GPC5: variants seen among roughly 807,000 people sequenced by gnomAD.
GPC5 encodes glypican 5, also known as glypican-5.
A neutral mutation model predicts 53.9 loss-of-function variants in GPC5; 47 were observed. That is an observed-to-expected ratio of 0.87 (90% confidence interval 0.69 to 1.11). The LOEUF (loss-of-function observed/expected upper bound fraction) is 1.11. Among genes scored for constraint, GPC5 ranks in the 50% most tolerant of loss-of-function variants. GPC5 has a pLI of 0.00. For synonymous variants in GPC5, 286 were observed against 263.3 expected, an observed-to-expected ratio of 1.09 and a Z score of -0.84; for missense variants, 748 against 713.1, an observed-to-expected ratio of 1.05 and a Z score of -0.56.
rs1010389422 is a variant in GPC5 at position 91,868,967 on chromosome 13, G to T, written c.1281-38970G>T. 3.9e-5 allele frequency among the ~76,000 whole-genome samples: 6 copies of T among 152,146 alleles called. No homozygotes were observed. The East Asian group carries it at 9.6e-4, about 24-fold the overall frequency. ...TTTCACTTTTTGAAAAAGGAGGAAA[G>T]AAATAAAGGATCAATTTGACTATAC... On this transcript the variant is annotated intron_variant, in intron 5 of 7. Transcript: ENST00000377067.
intron 4 of GPC5, among the ~76,000 whole-genome samples, chr13:91,743,954 T>C (rs2036992555): frequency 6.6e-6 from 1 of 152,182 alleles, no homozygotes; most frequent in Admixed American, 6.5e-5. Context: ...TCTGGTTTGA[T>C]GACTTTTGAA....
At chr13:92,586,168 A>G (rs1314972500) in intron 7 of GPC5, among the ~76,000 whole-genome samples, 1 of 152,220 alleles carries the variant, frequency 6.6e-6, no homozygotes, top group Non-Finnish European at 1.5e-5. Flanking sequence ...AATGGTGTCA[A>G]GCTTGCCAAA....
intron 7 of GPC5, among the ~76,000 whole-genome samples, chr13:92,639,863 T>C (rs1381824712): frequency 2.6e-5 from 4 of 152,072 alleles, no homozygotes; most frequent in Non-Finnish European, 5.9e-5. Context: ...AACATCTTCA[T>C]AGACATGAAT....
At chr13:91,893,502 C>T (rs1440545822) in intron 5 of GPC5, among the ~76,000 whole-genome samples, 5 of 151,988 alleles carry the variant, frequency 3.3e-5, no homozygotes, top group Non-Finnish European at 2.9e-5. Context: ...CAACATATAC[C>T]ATAAAACATG....
chr13:92,847,772 T>C (rs1025046390), intron 7 of GPC5, among the ~76,000 whole-genome samples: 1 of 152,156 alleles, frequency 6.6e-6, no homozygotes, highest in Non-Finnish European at 1.5e-5. Context: ...CTGTGTTCTA[T>C]AGGATTTTTT....
intron 6 of GPC5, among the ~76,000 whole-genome samples, chr13:92,098,422 G>A (rs2041438480): frequency 1.3e-5 from 2 of 152,060 alleles, no homozygotes; most frequent in South Asian, 4.1e-4. Context: ...TCTATTTCAG[G>A]AGTAATTTGG....
At chr13:91,512,550 G>GGA (rs1885288705) in intron 2 of GPC5, among the ~76,000 whole-genome samples, 1 of 152,184 alleles carries the variant, frequency 6.6e-6, no homozygotes, top group Admixed American at 6.5e-5. Flanking sequence ...CTTGGCAAAG[G>GGA]CCCTGCACAC....
intron 2 of GPC5, among the ~76,000 whole-genome samples, chr13:91,677,730 C>T (rs1176027963): frequency 6.6e-6 from 1 of 152,138 alleles, no homozygotes; most frequent in Non-Finnish European, 1.5e-5. Flanking sequence ...CATATTGTTT[C>T]TAAAGTCATA....
At chr13:92,496,355 A>C (rs987290195) in intron 7 of GPC5, among the ~76,000 whole-genome samples, 1 of 152,226 alleles carries the variant, frequency 6.6e-6, no homozygotes, top group African/African-American at 2.4e-5. Context: ...AATTTTAGAA[A>C]CAATTTACTC....
chr13:91,516,143 C>T lies in GPC5; in HGVS notation c.325+67221C>T, dbSNP rs192167591. Reference sequence around the variant, plus strand: ...CCAAACTATGTCATTCCACCCCTGGCGGAACCAATTATGCCTCCCCAGCAG... The same window carrying T: ...CCAAACTATGTCATTCCACCCCTGGTGGAACCAATTATGCCTCCCCAGCAG... On this transcript the variant is annotated intron_variant, in intron 2 of 7. Coordinates refer to ENST00000377067, the MANE Select transcript of GPC5 (RefSeq NM_004466.6). Among the ~76,000 whole-genome samples, 248 of 152,120 alleles carry T rather than the reference C, an allele frequency of 1.6e-3. 1 individual carries two copies. The highest frequency in any genetic ancestry group is 5.6e-3 in the African/African-American group (233 of 41,494).
intron 3 of GPC5, among the ~76,000 whole-genome samples, chr13:91,694,630 T>C (rs1290625185): frequency 6.6e-6 from 1 of 152,210 alleles, no homozygotes. Flanking sequence ...AGTTCTCATA[T>C]CCCAGAGTGA....
At chr13:91,572,238 CAT>C (rs1190559196) in intron 2 of GPC5, among the ~76,000 whole-genome samples, 13 of 97,240 alleles carry the variant, frequency 1.3e-4, no homozygotes, top group East Asian at 3.2e-4. Flanking sequence ...TATGTATATA[CAT>C]GTGTATATAT....
At chr13:91,414,850 G>A (rs574590831) in intron 1 of GPC5, among the ~76,000 whole-genome samples, 1 of 152,150 alleles carries the variant, frequency 6.6e-6, no homozygotes, top group Non-Finnish European at 1.5e-5. Context: ...AGGTGGGTTG[G>A]GGGGTGGAGG....
At chr13:91,662,212 T>A (rs2035003812) in intron 2 of GPC5, among the ~76,000 whole-genome samples, 1 of 151,850 alleles carries the variant, frequency 6.6e-6, no homozygotes, top group Non-Finnish European at 1.5e-5. Context: ...ACATGACCAG[T>A]AAGGTTGGCA....
chr13:92,008,126 A>C (rs561812936), intron 6 of GPC5, among the ~76,000 whole-genome samples: 3 of 146,618 alleles, frequency 2.0e-5, no homozygotes, highest in South Asian at 2.2e-4. Flanking sequence ...GCAGTGGCGC[A>C]ATCTCGGCTC....
chr13:92,605,167 A>AT (rs1167425407), intron 7 of GPC5, among the ~76,000 whole-genome samples: 3 of 152,252 alleles, frequency 2.0e-5, no homozygotes, highest in African/African-American at 7.2e-5. Flanking sequence ...TGAAGAAACA[A>AT]TTAATTGCCT....
chr13:91,536,963 G>T (rs977785769), intron 2 of GPC5, among the ~76,000 whole-genome samples: 1 of 152,034 alleles, frequency 6.6e-6, no homozygotes, highest in African/African-American at 2.4e-5. Flanking sequence ...ACGAATCAAA[G>T]AAATCACAAG....
At chr13:92,496,296 G>A (rs751248653) in intron 7 of GPC5, among the ~76,000 whole-genome samples, 1 of 152,076 alleles carries the variant, frequency 6.6e-6, no homozygotes, top group Non-Finnish European at 1.5e-5. Flanking sequence ...TCAAACATTA[G>A]AAATATAAAA....
chr13:92,613,834 G>A (rs1420220594), intron 7 of GPC5, among the ~76,000 whole-genome samples: 9 of 150,338 alleles, frequency 6.0e-5, no homozygotes, highest in Non-Finnish European at 1.3e-4. Context: ...TCCCACCTGG[G>A]TAAAAGAGTG....
Sources: gnomAD v4.1 joint callset for allele counts (sites outside exome capture counted in the v4.1 genomes callset) on GRCh38, gnomAD v4.1.1 for gene constraint, MANE v1.5 for transcripts, NCBI Gene and HGNC (gene_info 2026-07-23, HGNC 2026-07-21) for gene names.